PCDHGA9: variants seen among roughly 807,000 people sequenced by gnomAD.
PCDHGA9 encodes protocadherin gamma-A9.
In PCDHGA9, 37 loss-of-function variants were observed where a neutral mutation model predicts 62.5. The ratio of observed to expected loss-of-function variants is 0.59; its 90% confidence interval spans 0.46 to 0.78. The LOEUF (loss-of-function observed/expected upper bound fraction) is 0.78, where lower values mean the gene tolerates loss of function less well. Ranked by LOEUF, PCDHGA9 falls within the 30% of genes least tolerant of loss-of-function variation. The probability of loss-of-function intolerance (pLI) is 0.00; values close to 1 mark genes in which losing one functional copy is unlikely to be tolerated. For synonymous variants in PCDHGA9, 459 were observed against 484.6 expected (o/e 0.95, Z 0.69); for missense variants, 1,138 against 1,166.2 (o/e 0.98, Z 0.35).
At chr5:141,461,225 T>C (rs1157429654) in intron 1 of PCDHGA9, among the ~76,000 whole-genome samples, 3 of 152,162 alleles carry the variant, frequency 2.0e-5, no homozygotes, top group African/African-American at 7.2e-5. Flanking sequence ...CTGTTTTCCA[T>C]AGAGGTTGTA....
intron 1 of PCDHGA9, chr5:141,442,062 G>A (rs1001398926): frequency 7.0e-5 from 13 of 185,900 alleles, no homozygotes; most frequent in Admixed American, 1.3e-4. Context: ...GGTGCACTGC[G>A]GTGGACAGCC....
In PCDHGA9 at chr5:141,489,088, G is replaced by GGCA; in HGVS notation, c.2425-5719_2425-5718insGCA. The GGCA allele has an allele frequency of 2.9e-6, 1 of 347,238 alleles. No individual in the cohort carries two copies. Among genetic ancestry groups the GGCA allele is most frequent in the Non-Finnish European group, 5.0e-6 (1 of 200,706 alleles). The allele number at this position is 347,238 out of a possible 1,614,324, so 21.5% of individuals were successfully genotyped here. A position where few individuals can be genotyped will look rare whatever the true frequency, so the allele number is the denominator to read the frequency against. The stretch of plus-strand genomic sequence containing the variant: ...CCCCTGCCCACCCCCGCCACTCGGT[G>GGCA]ACTAAGAACTGCTGCAAGCAGGCAA... On this transcript the variant is annotated intron_variant, in intron 1 of 3. Coordinates refer to ENST00000573521, the MANE Select transcript of PCDHGA9 (RefSeq NM_018921.3). This position sits in a 1 kb window ranked among gnomAD's most constrained non-coding sequence, Gnocchi z 4.5.
intron 1 of PCDHGA9, among the ~76,000 whole-genome samples, chr5:141,460,981 G>A (rs35435563): frequency 1.6e-4 from 20 of 121,900 alleles, no homozygotes; most frequent in African/African-American, 3.7e-4. Context: ...GTGTGTGTGT[G>A]TGTATATATA....
intron 1 of PCDHGA9, among the ~76,000 whole-genome samples, chr5:141,481,692 G>T (rs1231630072): frequency 6.6e-6 from 1 of 152,020 alleles, no homozygotes; most frequent in African/African-American, 2.4e-5. Context: ...GGTGGCTCAC[G>T]CCTGTAATCC....
chr5:141,476,587 G>A lies in PCDHGA9; in HGVS notation c.2425-18220G>A. ...CTCCGGGGACGCGCTTTCCGCTCGA[G>A]AGCGCGCACGATCCCGATGTGGGAA... On this transcript the variant is annotated intron_variant, in intron 1 of 3. Coordinates refer to ENST00000573521, the MANE Select transcript of PCDHGA9 (RefSeq NM_018921.3). The surrounding 1 kb of genome is among the most constrained non-coding windows in gnomAD (Gnocchi z 7.6). 6.2e-7 allele frequency: 1 copy of A among 1,614,234 alleles called. No homozygotes were observed. The highest frequency in any genetic ancestry group is 1.1e-5 in the South Asian group (1 of 91,086).
At chr5:141,421,034 C>G (rs2096540283) in intron 1 of PCDHGA9, 2 of 538,266 alleles carry the variant, frequency 3.7e-6, no homozygotes, top group Non-Finnish European at 6.4e-6. Context: ...CATTGAGTCC[C>G]TCCCTCCCCC....
At chr5:141,494,195 C>T in intron 1 of PCDHGA9, among the ~76,000 whole-genome samples, 1 of 152,188 alleles carries the variant, frequency 6.6e-6, no homozygotes, top group Non-Finnish European at 1.5e-5. Flanking sequence ...GACTTGGATG[C>T]CCCGCAAAGG....
At chr5:141,439,029 G>A (rs2098083069) in intron 1 of PCDHGA9, among the ~76,000 whole-genome samples, 1 of 151,510 alleles carries the variant, frequency 6.6e-6, no homozygotes, top group Non-Finnish European at 1.5e-5. Flanking sequence ...GAAAATAGAT[G>A]CCTCAGTTCA....
chr5:141,497,384 A>G (rs2099776099), intron 2 of PCDHGA9, among the ~76,000 whole-genome samples: 1 of 151,900 alleles, frequency 6.6e-6, no homozygotes, highest in African/African-American at 2.4e-5. Context: ...TGGGGTGAGC[A>G]CCTTACCCCT....
chr5:141,463,382 T>C (rs2099057893), intron 1 of PCDHGA9, among the ~76,000 whole-genome samples: 1 of 151,594 alleles, frequency 6.6e-6, no homozygotes, highest in Admixed American at 6.6e-5. Context: ...AGTCTGAAAG[T>C]TGTCTCCAGG....
chr5:141,416,449 G>A (rs938389094), intron 1 of PCDHGA9: 1 of 152,138 alleles, frequency 6.6e-6, no homozygotes, highest in Non-Finnish European at 1.5e-5. Context: ...AATATGGGTT[G>A]GGAAGACAGA....
In PCDHGA9 at chr5:141,432,413, G is replaced by A; in HGVS notation, c.2424+27037G>A. 1.2e-6 allele frequency: 2 copies of A among 1,614,232 alleles called. No homozygotes were observed. The highest frequency in any genetic ancestry group is 2.2e-5 in the South Asian group (2 of 91,082). Reference sequence around the variant, plus strand: ...CAGCAACGTGTCGTTGAGCCTGTTCGTGCTGGACCAGAACGACAATGCGCC... The same window carrying A: ...CAGCAACGTGTCGTTGAGCCTGTTCATGCTGGACCAGAACGACAATGCGCC... On this transcript the variant is annotated intron_variant, in intron 1 of 3. Coordinates refer to ENST00000573521, the MANE Select transcript of PCDHGA9 (RefSeq NM_018921.3). The surrounding 1 kb of genome is among the most constrained non-coding windows in gnomAD (Gnocchi z 6.0).
intron 1 of PCDHGA9, 84 bp from the exon 2 acceptor site, chr5:141,494,723 C>T: frequency 1.9e-6 from 3 of 1,606,114 alleles, no homozygotes; most frequent in Non-Finnish European, 2.6e-6. Flanking sequence ...TCCCCTCCTT[C>T]TCTCCCGGCC....
At chr5:141,427,480 A>G in intron 1 of PCDHGA9, 1 of 531,758 alleles carries the variant, frequency 1.9e-6, no homozygotes, top group South Asian at 1.5e-5. Context: ...GCCAATAATG[A>G]CTATAAGCTT....
chr5:141,462,774 A>G (rs890366708), intron 1 of PCDHGA9, among the ~76,000 whole-genome samples: 1 of 152,126 alleles, frequency 6.6e-6, no homozygotes, highest in Admixed American at 6.6e-5. Context: ...GCTTGGGGTC[A>G]TAATTTGTTG....
At chr5:141,498,457 G>A (rs1028236637) in intron 2 of PCDHGA9, among the ~76,000 whole-genome samples, 8 of 152,126 alleles carry the variant, frequency 5.3e-5, no homozygotes, top group African/African-American at 1.9e-4. Flanking sequence ...CTTTTATCCA[G>A]TCTAACCCTG....
At chr5:141,478,940 T>C in intron 1 of PCDHGA9, 2 of 584,636 alleles carry the variant, frequency 3.4e-6, no homozygotes, top group South Asian at 2.7e-5. Flanking sequence ...CTTCTAGGAA[T>C]ACAAAAACTA....
intron 1 of PCDHGA9, chr5:141,413,192 A>G: frequency 1.2e-6 from 2 of 1,607,816 alleles, no homozygotes; most frequent in South Asian, 2.2e-5. Context: ...GCTCAAAGGA[A>G]TCGCTCAAAG....
chr5:141,453,266 A>G (rs1322091044), intron 1 of PCDHGA9, among the ~76,000 whole-genome samples: 4 of 151,838 alleles, frequency 2.6e-5, no homozygotes. Flanking sequence ...AGTGCACACC[A>G]CCATGACTGG....
Sources: allele counts gnomAD v4.1 joint callset (sites outside exome capture counted in the v4.1 genomes callset), GRCh38; gene constraint gnomAD v4.1.1; non-coding constraint Gnocchi (gnomAD v3.1); transcripts MANE v1.5; gene names NCBI Gene and HGNC (gene_info 2026-07-23, HGNC 2026-07-21).